The following CTNND2 variants were observed in gnomAD, a reference collection of about 807,000 sequenced individuals.
CTNND2 encodes the protein catenin delta-2.
Under a neutral mutation model 144.4 loss-of-function variants are expected in CTNND2, and 22 were observed. The ratio of observed to expected loss-of-function variants is 0.15; its 90% confidence interval spans 0.11 to 0.22. CTNND2 has a LOEUF of 0.22. CTNND2 is among the 10% of genes least tolerant of loss of function. The pLI is 1.00. For missense variants in CTNND2, 1,353 were observed against 1,618.8 expected (o/e 0.84, Z 2.82); for synonymous variants, 751 against 695.6 (o/e 1.08, Z -1.25).
intron 16 of CTNND2, among the ~76,000 whole-genome samples, chr5:11,076,831 T>C (rs1407171789): frequency 6.6e-6 from 1 of 152,166 alleles, no homozygotes; most frequent in East Asian, 1.9e-4. Flanking sequence ...GCTGCAATTG[T>C]GGAGTCTGCT....
chr5:11,252,656 A>G (rs1743780479), intron 9 of CTNND2, among the ~76,000 whole-genome samples: 1 of 152,218 alleles, frequency 6.6e-6, no homozygotes, highest in Non-Finnish European at 1.5e-5. Flanking sequence ...AGAGAGCTTC[A>G]GCCACTTGCT....
chr5:11,471,634 T>A (rs902162824), intron 3 of CTNND2, among the ~76,000 whole-genome samples: 1 of 152,240 alleles, frequency 6.6e-6, no homozygotes, highest in Non-Finnish European at 1.5e-5. Context: ...CAGGCATAGC[T>A]TGACTATGAC....
At chr5:10,990,890 G>A (rs375893003) in intron 19 of CTNND2, among the ~76,000 whole-genome samples, 21 of 152,210 alleles carry the variant, frequency 1.4e-4, no homozygotes, top group East Asian at 7.7e-4. Flanking sequence ...AGCCCTTGCC[G>A]ATCCATCATG....
chr5:11,132,643 T>C (rs1755737108), intron 12 of CTNND2, among the ~76,000 whole-genome samples: 1 of 152,198 alleles, frequency 6.6e-6, no homozygotes, highest in Non-Finnish European at 1.5e-5. Context: ...TTGTCTCTCG[T>C]ATTTCACTAT....
At chr5:11,538,645 T>C (rs564959753) in intron 3 of CTNND2, among the ~76,000 whole-genome samples, 2 of 152,320 alleles carry the variant, frequency 1.3e-5, no homozygotes, top group Admixed American at 1.3e-4. Flanking sequence ...ATATATTCCA[T>C]CATTACTCAA....
At chr5:11,154,753 C>A (rs545506931) in intron 12 of CTNND2, among the ~76,000 whole-genome samples, 1 of 152,258 alleles carries the variant, frequency 6.6e-6, no homozygotes, top group South Asian at 2.1e-4. Flanking sequence ...AATCAAGGTG[C>A]CAGCAGGGCC....
intron 3 of CTNND2, among the ~76,000 whole-genome samples, chr5:11,490,621 C>T (rs1769298051): frequency 6.6e-6 from 1 of 152,150 alleles, no homozygotes; most frequent in Non-Finnish European, 1.5e-5. Context: ...TGTACAGACA[C>T]ATGCACACAT....
intron 6 of CTNND2, among the ~76,000 whole-genome samples, chr5:11,394,665 T>G (rs1368582021): frequency 6.6e-6 from 1 of 152,232 alleles, no homozygotes; most frequent in African/African-American, 2.4e-5. Context: ...GCAATTTGGG[T>G]GGCTTACAGT....
intron 2 of CTNND2, among the ~76,000 whole-genome samples, chr5:11,625,326 A>T (rs1781096103): frequency 6.6e-6 from 1 of 152,048 alleles, no homozygotes; most frequent in Admixed American, 6.6e-5. Flanking sequence ...AACCAATCTC[A>T]TAGGGAAAGA....
chr5:11,555,527 GA>G (rs1257848951), intron 3 of CTNND2, among the ~76,000 whole-genome samples: 4 of 152,092 alleles, frequency 2.6e-5, no homozygotes, highest in Non-Finnish European at 5.9e-5. Context: ...AGGAGAAAGA[GA>G]ATGAAAACCT....
At chr5:11,522,005 A>AGT (rs1772769979) in intron 3 of CTNND2, among the ~76,000 whole-genome samples, 1 of 152,210 alleles carries the variant, frequency 6.6e-6, no homozygotes, top group African/African-American at 2.4e-5. Flanking sequence ...AGCCTCACAG[A>AGT]GCAAACTTAA....
rs1343352081 is a variant in CTNND2 at position 11,338,289 on chromosome 5, G to A, written c.1628+8083C>T. Among the ~76,000 whole-genome samples the A allele has an allele frequency of 6.6e-5, 10 of 152,138 alleles. 1 individual carries two copies. The highest frequency in any genetic ancestry group is 1.2e-4 in the Non-Finnish European group (8 of 68,022). Reference sequence around the variant, plus strand: ...TGTAGGGAAGCCCAGAATGCCTGGAGCCCACTTTAGAGAACTGGAACATGG... The same window carrying A: ...TGTAGGGAAGCCCAGAATGCCTGGAACCCACTTTAGAGAACTGGAACATGG... On this transcript the variant is annotated intron_variant, in intron 9 of 21. Transcript: ENST00000304623.
chr5:11,064,461 G>A (rs934456252), intron 16 of CTNND2, among the ~76,000 whole-genome samples: 4 of 151,990 alleles, frequency 2.6e-5, no homozygotes, highest in Admixed American at 6.6e-5. Flanking sequence ...GGAAGAACAG[G>A]GCTCAGAGTG....
chr5:11,646,589 A>G (rs1030289740), intron 2 of CTNND2, among the ~76,000 whole-genome samples: 1 of 152,184 alleles, frequency 6.6e-6, no homozygotes, highest in Admixed American at 6.5e-5. Flanking sequence ...GAAATATTTT[A>G]CCAATGATGC....
At chr5:11,600,677 G>C (rs1779741858) in intron 2 of CTNND2, among the ~76,000 whole-genome samples, 1 of 134,568 alleles carries the variant, frequency 7.4e-6, no homozygotes, top group African/African-American at 2.9e-5. Context: ...ATGCACTCCA[G>C]CCTGGGCAAC....
chr5:11,347,910 A>G (rs1396131889), intron 8 of CTNND2, among the ~76,000 whole-genome samples: 1 of 152,224 alleles, frequency 6.6e-6, no homozygotes, highest in South Asian at 2.1e-4. Context: ...CGAAATGATG[A>G]AAATCTGCAA....
chr5:11,035,219 A>G (rs1466879877), intron 16 of CTNND2, among the ~76,000 whole-genome samples: 1 of 152,154 alleles, frequency 6.6e-6, no homozygotes, highest in Non-Finnish European at 1.5e-5. Flanking sequence ...TTAGAAGTAC[A>G]ACACTGGTCT....
At chr5:11,046,420 G>A (rs1180325943) in intron 16 of CTNND2, among the ~76,000 whole-genome samples, 2 of 152,136 alleles carry the variant, frequency 1.3e-5, no homozygotes, top group Admixed American at 1.3e-4. Context: ...CAAGGCAATC[G>A]ACCCTGTGAC....
chr5:11,566,738 T>C (rs1777135941), intron 2 of CTNND2, among the ~76,000 whole-genome samples: 1 of 152,200 alleles, frequency 6.6e-6, no homozygotes, highest in Admixed American at 6.5e-5. Flanking sequence ...CTAGGACGGA[T>C]GTTGCTCTTG....
Sources: gnomAD v4.1 joint callset for allele counts (sites outside exome capture counted in the v4.1 genomes callset) on GRCh38, gnomAD v4.1.1 for gene constraint, MANE v1.5 for transcripts, NCBI Gene and HGNC (gene_info 2026-07-23, HGNC 2026-07-21) for gene names.